CPAMD8: variants seen among roughly 807,000 people sequenced by gnomAD.
CPAMD8 encodes the protein C3 and PZP-like alpha-2-macroglobulin domain-containing protein 8.
CPAMD8 carries 146 observed loss-of-function variants against 224.7 expected under a neutral mutation model. The observed-to-expected ratio is 0.65, with a 90% CI of 0.57 to 0.75. The LOEUF (loss-of-function observed/expected upper bound fraction) is 0.75, where lower values mean the gene tolerates loss of function less well. Ranked by LOEUF, CPAMD8 falls within the 30% of genes least tolerant of loss-of-function variation. The probability of loss-of-function intolerance (pLI) is 0.00; values close to 1 mark genes in which losing one functional copy is unlikely to be tolerated. For synonymous variants in CPAMD8, 966 were observed against 1,044.6 expected (o/e 0.92, Z 1.45); for missense variants, 2,301 against 2,537.5 (o/e 0.91, Z 2.00).
rs1454909356 is a variant in CPAMD8 at position 16,896,035 on chromosome 19, C to A, written c.5426+141G>T. ...TCCCCAGGAACTCTGAGCCTCTGAC[C>A]CTGAGTCACTCCCACTGCCAGTGGG... is the stretch of plus-strand genomic sequence containing the variant. On this transcript the variant is annotated intron_variant, in intron 41 of 41. Transcript: ENST00000443236. The A allele has an allele frequency of 3.2e-6, 3 of 926,142 alleles. No homozygotes were observed. The East Asian group carries it at 7.3e-5, about 23-fold the overall frequency. 57.4% of individuals were successfully genotyped at this position (926,142 alleles called of 1,614,324 possible). A position where few individuals can be genotyped will look rare whatever the true frequency, so the allele number is the denominator to read the frequency against.
At position 16,990,376 on chromosome 19, in the gene CPAMD8, G is replaced by A. The variant is rs188021082; in HGVS notation, c.1267-605C>T. Among the ~76,000 whole-genome samples the A allele has an allele frequency of 1.6e-3, 245 of 152,098 alleles. 3 individuals carry two copies. The highest frequency in any genetic ancestry group is 5.7e-3 in the African/African-American group (235 of 41,492). ...GTGTGAGGATCACTTGGGCCCAGGA[G>A]TTCAAGACCAGCCTGGGCAATATAG... On this transcript the variant is annotated intron_variant, in intron 12 of 41. Transcript: ENST00000443236.
chr19:16,964,997 A>T (rs138574303), intron 18 of CPAMD8, among the ~76,000 whole-genome samples: 351 of 152,290 alleles, frequency 2.3e-3, no homozygotes, highest in African/African-American at 8.0e-3. Context: ...ACGGTGGCTC[A>T]CGCCTGTAAT....
In CPAMD8 at chr19:16,971,042, C is replaced by T; in HGVS notation, c.2071-9G>A. Reference sequence around the variant, plus strand: ...ACCACCAGTCCCGTTTCCTAGGCAACAGACAACACCCAAACCATTGGTGGG... The same window carrying T: ...ACCACCAGTCCCGTTTCCTAGGCAATAGACAACACCCAAACCATTGGTGGG... On this transcript the variant is annotated splice_polypyrimidine_tract_variant and intron_variant, in intron 17 of 41. Transcript: ENST00000443236. 1 of 1,594,032 alleles carries T rather than the reference C, an allele frequency of 6.3e-7. No individual in the cohort carries two copies.
intron 21 of CPAMD8, among the ~76,000 whole-genome samples, chr19:16,946,603 G>A (rs1392695566): frequency 1.3e-5 from 2 of 149,168 alleles, no homozygotes; most frequent in Admixed American, 6.7e-5. Context: ...GTGGGCGTGT[G>A]TGTGTGGATT....
At position 16,970,922 on chromosome 19, in the gene CPAMD8, C is replaced by T; in HGVS notation, c.2182G>A (p.Val728Met). ...PAFQPHTGSL[V>M]AVAPSRHPPR... ...GGGTGCCTGGAAGGAGCCACTGCCA[C>T]CAGGCTCCCTGTGTGGGGCTGGAAA... Residue 728 changes from valine (V) to methionine (M), a missense_variant, in exon 18 of 42, where the codon GTG becomes ATG. By Grantham distance (21) the Val-to-Met change is conservative (BLOSUM62 1). Transcript: ENST00000443236. 1 of 1,613,924 alleles carries T rather than the reference C, an allele frequency of 6.2e-7. No individual in the cohort carries two copies. The highest frequency in any genetic ancestry group is 8.5e-7 in the Non-Finnish European group (1 of 1,179,976).
At chr19:17,012,337 T>C (rs1024466750) in intron 3 of CPAMD8, among the ~76,000 whole-genome samples, 9 of 125,470 alleles carry the variant, frequency 7.2e-5, no homozygotes, top group African/African-American at 2.5e-4. Context: ...TTTCTTTCTT[T>C]CTTTCTTTCT....
At chr19:16,967,905 A>G (rs2054905511) in intron 18 of CPAMD8, among the ~76,000 whole-genome samples, 2 of 151,162 alleles carry the variant, frequency 1.3e-5, no homozygotes, top group African/African-American at 4.9e-5. Context: ...GTGTGTATAT[A>G]TGTGCATATA....
Position 16,914,707 on chromosome 19 carries a change from C to T in CPAMD8, c.3736G>A (p.Ala1246Thr). Residue 1246 changes from alanine to threonine, a missense_variant, in exon 28 of 42, where the codon GCC (alanine) becomes ACC (threonine). Coordinates refer to ENST00000443236, the MANE Select transcript of CPAMD8 (RefSeq NM_015692.5). ...CCCACGGCCAGGAAGGAGCCATCGG[C>T]CTGCTGCTGCTGGATGATCCAGCTC... ...AKSWIIQQQQ[A>T]DGSFLAVGRV... 1.2e-6 allele frequency: 2 copies of T among 1,614,140 alleles called. No homozygotes were observed. The highest frequency in any genetic ancestry group is 1.7e-6 in the Non-Finnish European group (2 of 1,180,000).
At chr19:16,957,827 A>G (rs777973625) in intron 19 of CPAMD8, 26 bp downstream of exon 19, 2 of 1,612,496 alleles carry the variant, frequency 1.2e-6, no homozygotes, top group Admixed American at 3.3e-5. Flanking sequence ...CGGCAAAGTC[A>G]GCGCAGAAAA....
chr19:16,981,067 G>A (rs1005009581), intron 13 of CPAMD8, among the ~76,000 whole-genome samples: 7 of 135,860 alleles, frequency 5.2e-5, no homozygotes, highest in Admixed American at 1.4e-4. Flanking sequence ...TCCTGACCTC[G>A]TGATCCCAGT....
intron 22 of CPAMD8, among the ~76,000 whole-genome samples, chr19:16,940,868 C>T (rs578233355): frequency 5.9e-5 from 9 of 152,352 alleles, no homozygotes; most frequent in East Asian, 1.9e-4. Context: ...ACCTGCCTGG[C>T]CCCTTGTCGG....
At chr19:16,969,725 C>T (rs1406222952) in intron 18 of CPAMD8, among the ~76,000 whole-genome samples, 1 of 151,644 alleles carries the variant, frequency 6.6e-6, no homozygotes, top group South Asian at 2.1e-4. Context: ...ACTAAAAATA[C>T]AAAAATTAGC....
At chr19:16,961,120 G>C (rs1219601607) in intron 18 of CPAMD8, among the ~76,000 whole-genome samples, 1 of 152,190 alleles carries the variant, frequency 6.6e-6, no homozygotes, top group Non-Finnish European at 1.5e-5. Flanking sequence ...GGTGATTTCT[G>C]CATTTCCAAC....
At chr19:16,990,591 G>A (rs975722770) in intron 12 of CPAMD8, among the ~76,000 whole-genome samples, 3 of 152,056 alleles carry the variant, frequency 2.0e-5, no homozygotes, top group African/African-American at 4.8e-5. Context: ...TGGGCCAGGC[G>A]CGATGGCTCA....
chr19:16,987,179 A>AAAAAAATAT (rs1555784836), intron 13 of CPAMD8, among the ~76,000 whole-genome samples: 18 of 53,916 alleles, frequency 3.3e-4, no homozygotes, highest in Non-Finnish European at 3.5e-4. Context: ...AAAAAAAAAA[A>AAAAAAATAT]ATATATATAT....
chr19:16,935,105 T>C (rs2053647537), intron 23 of CPAMD8, among the ~76,000 whole-genome samples: 1 of 152,220 alleles, frequency 6.6e-6, no homozygotes, highest in South Asian at 2.1e-4. Flanking sequence ...TAAAAATGTT[T>C]TTAACTTAAA....
chr19:16,943,836 G>A (rs774902391), intron 22 of CPAMD8, among the ~76,000 whole-genome samples: 2 of 152,048 alleles, frequency 1.3e-5, no homozygotes, highest in African/African-American at 4.8e-5. Context: ...CCGAATCTGG[G>A]GCTCTCACTC....
chr19:16,921,323 G>T (rs1037457205), intron 27 of CPAMD8, among the ~76,000 whole-genome samples: 1 of 152,078 alleles, frequency 6.6e-6, no homozygotes, highest in East Asian at 1.9e-4. Flanking sequence ...TCCGGCGATG[G>T]GTACAGGAGT....
At chr19:16,996,476 A>C (rs1296107227) in intron 11 of CPAMD8, among the ~76,000 whole-genome samples, 4 of 152,152 alleles carry the variant, frequency 2.6e-5, no homozygotes, top group African/African-American at 9.7e-5. Flanking sequence ...CAGGAACAGA[A>C]GGTCTACCTT....
Sources: allele counts gnomAD v4.1 joint callset (sites outside exome capture counted in the v4.1 genomes callset), GRCh38; gene constraint gnomAD v4.1.1; transcripts MANE v1.5; gene names NCBI Gene and HGNC (gene_info 2026-07-23, HGNC 2026-07-21).